PSME4: variants seen among roughly 807,000 people sequenced by gnomAD.
PSME4 encodes the protein proteasome activator subunit 4.
In PSME4, 89 loss-of-function variants were observed where a neutral mutation model predicts 253.9. The ratio of observed to expected loss-of-function variants is 0.35; its 90% CI spans 0.30 to 0.42. PSME4 has a LOEUF of 0.42. Among genes scored for constraint, PSME4 ranks in the 10% least tolerant of loss-of-function variants. PSME4 has a pLI of 1.00. For synonymous variants in PSME4, 851 were observed against 759.2 expected, an observed-to-expected ratio of 1.12 and a Z score of -1.99; for missense variants, 2,014 against 2,195.2, an observed-to-expected ratio of 0.92 and a Z score of 1.65.
At chr2:53,919,947 G>GA (rs1263932459) in intron 19 of PSME4, among the ~76,000 whole-genome samples, 3 of 151,984 alleles carry the variant, frequency 2.0e-5, no homozygotes, top group African/African-American at 7.3e-5. Context: ...AAAGACAAGT[G>GA]AAATTGCTAA....
At chr2:53,898,906 CTATTA>C (rs1680264041) in intron 29 of PSME4, among the ~76,000 whole-genome samples, 2 of 151,722 alleles carry the variant, frequency 1.3e-5, no homozygotes, top group Non-Finnish European at 2.9e-5. Flanking sequence ...TAAGTTATTA[CTATTA>C]TAAGAACTAT....
intron 27 of PSME4, among the ~76,000 whole-genome samples, chr2:53,903,130 C>A (rs1335983773): frequency 6.6e-6 from 1 of 152,180 alleles, no homozygotes; most frequent in Non-Finnish European, 1.5e-5. Flanking sequence ...CCTAGGCTTT[C>A]TTATCCATGC....
rs1668744391 is a variant in PSME4, at chr2:53,929,943, G to A, written c.1317-1640C>T. Among the ~76,000 whole-genome samples the A allele has an allele frequency of 2.6e-5, 4 of 152,042 alleles. No homozygotes were observed. The South Asian group carries it at 8.3e-4, about 32-fold the overall frequency. On this transcript the variant is annotated intron_variant, in intron 10 of 46. Transcript: ENST00000404125. ...TGAGACAGGAGAATCGCTTGAACCC[G>A]AGAGGTGGAGGTTGCAGTGAGCTGA...
At chr2:53,924,519 T>C (rs368153028) in intron 14 of PSME4, among the ~76,000 whole-genome samples, 2 of 152,240 alleles carry the variant, frequency 1.3e-5, no homozygotes, top group South Asian at 4.1e-4. Flanking sequence ...ATCCATCAGT[T>C]AGTCTTAGGA....
At chr2:53,954,773 G>A (rs1670156791) in intron 1 of PSME4, among the ~76,000 whole-genome samples, 1 of 151,012 alleles carries the variant, frequency 6.6e-6, no homozygotes, top group South Asian at 2.1e-4. Context: ...CCCTGGATGT[G>A]GAGGTTGCAG....
At chr2:53,950,765 TGG>T (rs1669941251) in intron 1 of PSME4, among the ~76,000 whole-genome samples, 1 of 145,700 alleles carries the variant, frequency 6.9e-6, no homozygotes, top group South Asian at 2.1e-4. Flanking sequence ...TGCTTGAACC[TGG>T]GAGGCGGAGG....
intron 33 of PSME4, among the ~76,000 whole-genome samples, chr2:53,895,349 A>G (rs945824884): frequency 2.0e-5 from 3 of 152,218 alleles, no homozygotes; most frequent in Non-Finnish European, 4.4e-5. Flanking sequence ...TAGAGCAGCT[A>G]TTAATAACCT....
chr2:53,894,079 G>A (rs1004111511), intron 34 of PSME4, among the ~76,000 whole-genome samples: 2 of 152,070 alleles, frequency 1.3e-5, no homozygotes, highest in East Asian at 1.9e-4. Context: ...AATGAAGACT[G>A]AAAGCCACTG....
intron 12 of PSME4, among the ~76,000 whole-genome samples, chr2:53,926,754 CTTGAGGCCAGGAGT>C (rs1668574280): frequency 6.6e-6 from 1 of 151,896 alleles, no homozygotes; most frequent in Non-Finnish European, 1.5e-5. Context: ...GGGCAGATTA[CTTGAGGCCAGGAGT>C]TCGAGACCAG....
At chr2:53,919,059 A>T in intron 20 of PSME4, 92 bp downstream of exon 20, 1 of 1,247,874 alleles carries the variant, frequency 8.0e-7, no homozygotes, top group Non-Finnish European at 1.1e-6. Flanking sequence ...AGTGATACAG[A>T]AATAAAAGCA....
rs201994460 is a variant in PSME4 at position 53,894,987 on chromosome 2, T to C, written c.3912+20A>G. The C allele has an allele frequency of 5.3e-5, 85 of 1,598,104 alleles. No homozygotes were observed. The Middle Eastern group carries it at 1.5e-3, about 28-fold the overall frequency. On this transcript the variant is annotated intron_variant, in intron 34 of 46. Coordinates refer to ENST00000404125, the MANE Select transcript of PSME4 (RefSeq NM_014614.3). ...CCCAAAACAAGATGCATTTGAACCA[T>C]GGTGAAATGGAATGCTTACCTCTGT...
chr2:53,914,817 G>A (rs1355864701), intron 20 of PSME4, among the ~76,000 whole-genome samples: 1 of 152,146 alleles, frequency 6.6e-6, no homozygotes, highest in Non-Finnish European at 1.5e-5. Context: ...GGAGGCAGAG[G>A]TTGCAGTGAG....
intron 44 of PSME4, among the ~76,000 whole-genome samples, chr2:53,868,408 T>A (rs1678677134): frequency 6.7e-6 from 1 of 149,832 alleles, no homozygotes; most frequent in Non-Finnish European, 1.5e-5. Context: ...GCTGAGATCA[T>A]GCCACTGCAC....
Position 53,932,103 on chromosome 2 carries a change from G to C in PSME4, c.1051-3C>G. 6.2e-7 allele frequency: 1 copy of C among 1,611,782 alleles called. No homozygotes were observed. Among genetic ancestry groups the C allele is most frequent in the Non-Finnish European group, 8.5e-7 (1 of 1,178,440 alleles). On this transcript the variant is annotated splice_polypyrimidine_tract_variant and splice_region_variant and intron_variant, in intron 9 of 46. Coordinates refer to ENST00000404125, the MANE Select transcript of PSME4 (RefSeq NM_014614.3). ...TGAAGTAGTTTCATTAACTTGTTCT[G>C]GGGACACAGAAGCAAAAAGTTCTAA...
chr2:53,920,098 A>G, intron 19 of PSME4, 95 bp downstream of exon 19: 2 of 1,114,720 alleles, frequency 1.8e-6, no homozygotes, highest in Non-Finnish European at 2.5e-6. Flanking sequence ...TCAAAACACA[A>G]TTGAAAATTA....
At chr2:53,950,949 C>T (rs896168980) in intron 1 of PSME4, among the ~76,000 whole-genome samples, 1 of 151,976 alleles carries the variant, frequency 6.6e-6, no homozygotes, top group African/African-American at 2.4e-5. Flanking sequence ...TTACTGTAGA[C>T]TTAAAATCAT....
At chr2:53,927,583 A>G (rs1668617431) in intron 11 of PSME4, 100 bp from the exon 12 acceptor site, 1 of 871,900 alleles carries the variant, frequency 1.1e-6, no homozygotes, top group Non-Finnish European at 1.9e-6. Context: ...AATTATCTTG[A>G]TCAAAATCCC....
intron 4 of PSME4, among the ~76,000 whole-genome samples, chr2:53,939,281 G>A (rs1451500280): frequency 6.6e-6 from 1 of 152,128 alleles, no homozygotes; most frequent in African/African-American, 2.4e-5. Context: ...AGGAGTCACT[G>A]ATTCCATATC....
chr2:53,932,615 T>C (rs1668887441), intron 9 of PSME4, 53 bp downstream of exon 9: 1 of 1,425,486 alleles, frequency 7.0e-7, no homozygotes, highest in East Asian at 2.3e-5. Context: ...TAGTCAAGGA[T>C]GACCATATCT....
Sources: allele counts gnomAD v4.1 joint callset (sites outside exome capture counted in the v4.1 genomes callset), GRCh38; gene constraint gnomAD v4.1.1; transcripts MANE v1.5; gene names NCBI Gene and HGNC (gene_info 2026-07-23, HGNC 2026-07-21).